PDZRN3: variants seen among roughly 807,000 people sequenced by gnomAD.
PDZRN3 encodes the protein E3 ubiquitin-protein ligase PDZRN3.
A neutral mutation model predicts 85.7 loss-of-function variants in PDZRN3; 38 were observed. The ratio of observed to expected loss-of-function variants is 0.44; its 90% CI spans 0.34 to 0.58. The LOEUF is 0.58. Among genes scored for constraint, PDZRN3 ranks in the 20% least tolerant of loss-of-function variants. The probability of loss-of-function intolerance (pLI) is 0.01; values close to 1 mark genes in which losing one functional copy is unlikely to be tolerated. For synonymous variants in PDZRN3, 759 were observed against 638.0 expected (o/e 1.19, Z -2.86); for missense variants, 1,629 against 1,506.4 (o/e 1.08, Z -1.35).
At chr3:73,488,615 CTTTG>C (rs1325968178) in intron 3 of PDZRN3, among the ~76,000 whole-genome samples, 1 of 152,172 alleles carries the variant, frequency 6.6e-6, no homozygotes, top group Non-Finnish European at 1.5e-5. Flanking sequence ...GTCCTGACCT[CTTTG>C]TTTATGTCTT....
In PDZRN3 at chr3:73,624,869, C is replaced by G. The variant is rs896251949; in HGVS notation, c.-44G>C. 6.3e-6 allele frequency: 8 copies of G among 1,263,000 alleles called. No homozygotes were observed. In the Admixed American group the frequency reaches 2.5e-4, roughly 40 times the overall value. The allele number at this position is 1,263,000 out of a possible 1,614,324, so 78.2% of individuals were successfully genotyped here. ...GGGTCGCCGCCGGGCGGCCGGGCGCCCCCTCCCTCCCCACGAGGCGGCCCA... is the reference window on the plus strand; with the variant it reads ...GGGTCGCCGCCGGGCGGCCGGGCGCGCCCTCCCTCCCCACGAGGCGGCCCA... On this transcript the variant is annotated 5_prime_UTR_variant, in exon 1 of 10. Transcript: ENST00000263666.
chr3:73,587,887 C>A (rs542404810), intron 3 of PDZRN3, among the ~76,000 whole-genome samples: 1 of 152,218 alleles, frequency 6.6e-6, no homozygotes, highest in Non-Finnish European at 1.5e-5. Context: ...TCTAACCCAT[C>A]TGCTTACATC....
At chr3:73,390,957 G>GAAA (rs35427155) in intron 6 of PDZRN3, 61 bp downstream of exon 6, 155 of 899,696 alleles carry the variant, frequency 1.7e-4, no homozygotes, top group Middle Eastern at 2.4e-4. Flanking sequence ...TGGTGAACAT[G>GAAA]AAAAAAAAAA....
At chr3:73,537,751 C>T (rs920278746) in intron 3 of PDZRN3, among the ~76,000 whole-genome samples, 1 of 151,602 alleles carries the variant, frequency 6.6e-6, no homozygotes, top group Non-Finnish European at 1.5e-5. Flanking sequence ...TCTCAAGTAG[C>T]AGGGATTACA....
At chr3:73,496,560 T>A (rs1392494195) in intron 3 of PDZRN3, among the ~76,000 whole-genome samples, 10 of 67,572 alleles carry the variant, frequency 1.5e-4, no homozygotes, top group Non-Finnish European at 3.0e-5. Flanking sequence ...TATTTCTAAG[T>A]AAAGAGGACT....
chr3:73,610,428 T>C (rs1387515048), intron 1 of PDZRN3, among the ~76,000 whole-genome samples: 1 of 152,222 alleles, frequency 6.6e-6, no homozygotes, highest in Non-Finnish European at 1.5e-5. Context: ...ATTTGAACTG[T>C]AACAAGTTAA....
intron 3 of PDZRN3, chr3:73,556,972 T>C (rs73100480): frequency 0.031 from 4,725 of 152,390 alleles, 90 homozygotes; most frequent in South Asian, 0.051. Context: ...CCCCTGGGAC[T>C]GTCCCCTGTC....
chr3:73,477,028 A>G (rs559515175), intron 3 of PDZRN3, among the ~76,000 whole-genome samples: 2 of 152,310 alleles, frequency 1.3e-5, no homozygotes, highest in Admixed American at 6.5e-5. Flanking sequence ...TTGATACCAT[A>G]TATTTATTGA....
At chr3:73,403,997 G>T in intron 4 of PDZRN3, 151 bp downstream of exon 4, 1 of 666,848 alleles carries the variant, frequency 1.5e-6, no homozygotes, top group Non-Finnish European at 2.5e-6. Context: ...AGCAGGATTC[G>T]ATTTATTGCC....
Position 73,384,485 on chromosome 3 carries a change from C to T in PDZRN3, c.2081G>A (p.Ser694Asn). The change falls in exon 10 of 10, where the codon AGC becomes AAC. Residue 694 changes from serine to asparagine, a missense_variant. By Grantham distance (46) the Ser-to-Asn change is conservative. Coordinates refer to ENST00000263666, the MANE Select transcript of PDZRN3 (RefSeq NM_015009.3). ...ELELLNEELRSIELECLSIVR... is the reference protein window; with the variant it reads ...ELELLNEELRNIELECLSIVR... ...GATGCTCAGGCACTCCAGCTCGATG[C>T]TGCGCAGCTCTTCGTTCAGCAGCTC... The T allele has an allele frequency of 1.2e-6, 2 of 1,613,500 alleles. No individual in the cohort carries two copies. The highest frequency in any genetic ancestry group is 1.7e-6 in the Non-Finnish European group (2 of 1,180,024).
At chr3:73,511,809 G>A (rs993805409) in intron 3 of PDZRN3, among the ~76,000 whole-genome samples, 1 of 152,174 alleles carries the variant, frequency 6.6e-6, no homozygotes. Context: ...TTGGAAGTAG[G>A]GCCTTTCAGG....
intron 3 of PDZRN3, among the ~76,000 whole-genome samples, chr3:73,410,138 C>T (rs1158567908): frequency 6.6e-6 from 1 of 152,108 alleles, no homozygotes; most frequent in Non-Finnish European, 1.5e-5. Context: ...CGATAATACA[C>T]TATATACTGA....
At position 73,474,187 on chromosome 3, in the gene PDZRN3, C is replaced by T. The variant is rs544914710; in HGVS notation, c.919-69792G>A. 7.2e-5 allele frequency among the ~76,000 whole-genome samples: 11 copies of T among 152,268 alleles called. No individual in the cohort carries two copies. The South Asian group carries it at 2.1e-3, about 29-fold the overall frequency. ...TTGCTCCCACTGCCACGTTGATAGG[C>T]ACTTTCAGAAGTTGCTATGGTTTTC... On this transcript the variant is annotated intron_variant, in intron 3 of 9. Coordinates refer to ENST00000263666, the MANE Select transcript of PDZRN3 (RefSeq NM_015009.3).
At chr3:73,425,503 C>T (rs1384138867) in intron 3 of PDZRN3, among the ~76,000 whole-genome samples, 1 of 151,988 alleles carries the variant, frequency 6.6e-6, no homozygotes, top group East Asian at 1.9e-4. Flanking sequence ...AATTTTTCTA[C>T]CTTGTGACTG....
rs578100548 is a variant in PDZRN3 at position 73,445,281 on chromosome 3, G to A, written c.919-40886C>T. 5.3e-5 allele frequency among the ~76,000 whole-genome samples: 8 copies of A among 152,228 alleles called. No homozygotes were observed. The South Asian group carries it at 1.5e-3, about 28-fold the overall frequency. On this transcript the variant is annotated intron_variant, in intron 3 of 9. Coordinates refer to ENST00000263666, the MANE Select transcript of PDZRN3 (RefSeq NM_015009.3). Reference sequence around the variant, plus strand: ...TAGTAGATGGTCCTTTCCAACAGCCGGTAATTGAGTCATAGGCAACTTGGG... The same window carrying A: ...TAGTAGATGGTCCTTTCCAACAGCCAGTAATTGAGTCATAGGCAACTTGGG...
chr3:73,436,612 T>C (rs1236636881), intron 3 of PDZRN3, among the ~76,000 whole-genome samples: 2 of 142,282 alleles, frequency 1.4e-5, no homozygotes, highest in Non-Finnish European at 2.9e-5. Flanking sequence ...ATTAGGGAAA[T>C]TTTACACATC....
chr3:73,428,627 G>T (rs1048285476), intron 3 of PDZRN3, among the ~76,000 whole-genome samples: 20 of 152,176 alleles, frequency 1.3e-4, no homozygotes, highest in African/African-American at 4.8e-4. Context: ...TAAGGGAAAG[G>T]AAGGAAAACT....
At chr3:73,544,489 T>C (rs1023529327) in intron 3 of PDZRN3, among the ~76,000 whole-genome samples, 10 of 152,208 alleles carry the variant, frequency 6.6e-5, no homozygotes, top group Admixed American at 6.5e-5. Context: ...TGCTAGTTGA[T>C]ATGATAGTAG....
chr3:73,452,021 G>C (rs958779988), intron 3 of PDZRN3, among the ~76,000 whole-genome samples: 2 of 152,152 alleles, frequency 1.3e-5, no homozygotes, highest in African/African-American at 4.8e-5. Context: ...TACTAATGTG[G>C]GTAAGCAATA....
Sources: allele counts gnomAD v4.1 joint callset (sites outside exome capture counted in the v4.1 genomes callset), GRCh38; gene constraint gnomAD v4.1.1; transcripts MANE v1.5; gene names NCBI Gene and HGNC (gene_info 2026-07-23, HGNC 2026-07-21).